IGSF3: variants seen among roughly 807,000 people sequenced by gnomAD.
IGSF3 encodes immunoglobulin superfamily member 3.
In IGSF3, 23 loss-of-function variants were observed where a neutral mutation model predicts 114.4. The observed-to-expected ratio is 0.20, with a 90% CI of 0.14 to 0.28. The LOEUF is 0.28. Among genes scored for constraint, IGSF3 ranks in the 10% least tolerant of loss-of-function variants. The pLI, the probability that IGSF3 is intolerant of heterozygous loss-of-function variation, is 1.00. For synonymous variants in IGSF3, 571 were observed against 645.2 expected, an observed-to-expected ratio of 0.88 and a Z score of 1.74; for missense variants, 1,172 against 1,591.5, an observed-to-expected ratio of 0.74 and a Z score of 4.48.
rs141660287 is a variant in IGSF3, at chr1:116,602,478, G to A, written c.1624+1146C>T. ...ACAGGAACTGAGCTGATCAGGAAAC[G>A]CAATCACTGGAGGAAGTTTCTAAGA... On this transcript the variant is annotated intron_variant, in intron 6 of 10. Transcript: ENST00000369486. 1.2e-3 allele frequency among the ~76,000 whole-genome samples: 185 copies of A among 152,202 alleles called. 3 individuals are homozygous for A. In the East Asian group the frequency reaches 0.016, roughly 13 times the overall value.
chr1:116,641,176 T>G (rs967927863), intron 2 of IGSF3, among the ~76,000 whole-genome samples: 1 of 152,006 alleles, frequency 6.6e-6, no homozygotes, highest in Non-Finnish European at 1.5e-5. Flanking sequence ...TCCACTTCGG[T>G]ACATATTTGA....
In IGSF3 at chr1:116,585,659, C is replaced by T. The variant is rs531637625; in HGVS notation, c.2441-607G>A. Among the ~76,000 whole-genome samples, 4 of 152,296 alleles carry T rather than the reference C, an allele frequency of 2.6e-5. No individual in the cohort carries two copies. Among genetic ancestry groups the T allele is most frequent in the South Asian group, 2.1e-4 (1 of 4,830 alleles). On this transcript the variant is annotated intron_variant, in intron 8 of 10. Coordinates refer to ENST00000369486, the MANE Select transcript of IGSF3 (RefSeq NM_001007237.3). This position sits in a 1 kb window ranked among gnomAD's most constrained non-coding sequence, Gnocchi z 4.9. Reference sequence around the variant, plus strand: ...AAAGACTGCCAGACAAGGTGGCTCACGCCTGTAATCCCAGCACTTTGGGAC... The same window carrying T: ...AAAGACTGCCAGACAAGGTGGCTCATGCCTGTAATCCCAGCACTTTGGGAC...
intron 2 of IGSF3, among the ~76,000 whole-genome samples, chr1:116,639,618 C>T (rs1427364835): frequency 6.6e-5 from 10 of 152,210 alleles, no homozygotes; most frequent in Non-Finnish European, 2.9e-5. Context: ...ATTGCTTCTT[C>T]CCTAAGCTTG....
Position 116,644,191 on chromosome 1 carries a change from C to G in IGSF3, c.43+22093G>C, listed in dbSNP as rs1648236119. ...TACACATTCCTCAAAATCCTCCTCT[C>G]CATTTCACAGAAACACCACAGCAGA... On this transcript the variant is annotated intron_variant, in intron 2 of 10. Coordinates refer to ENST00000369486, the MANE Select transcript of IGSF3 (RefSeq NM_001007237.3). This position sits in a 1 kb window ranked among gnomAD's most constrained non-coding sequence, Gnocchi z 5.6. Among the ~76,000 whole-genome samples the G allele has an allele frequency of 6.6e-6, 1 of 152,262 alleles. No homozygotes were observed. Among genetic ancestry groups the G allele is most frequent in the African/African-American group, 2.4e-5 (1 of 41,466 alleles).
At position 116,636,203 on chromosome 1, in the gene IGSF3, C is replaced by T. The variant is rs1186541835; in HGVS notation, c.44-19746G>A. On this transcript the variant is annotated intron_variant, in intron 2 of 10. Coordinates refer to ENST00000369486, the MANE Select transcript of IGSF3 (RefSeq NM_001007237.3). This position sits in a 1 kb window ranked among gnomAD's most constrained non-coding sequence, Gnocchi z 4.5. ...CCTTCCCAAGAAGAATTCCCCATAC[C>T]GAGTCTACCATTCCTTCCCTGATCA... is the stretch of plus-strand genomic sequence containing the variant. Among the ~76,000 whole-genome samples the T allele has an allele frequency of 2.6e-5, 4 of 152,186 alleles. No individual in the cohort carries two copies. The East Asian group carries it at 5.8e-4, about 22-fold the overall frequency.
Position 116,644,387 on chromosome 1 carries a change from A to G in IGSF3, c.43+21897T>C, listed in dbSNP as rs990486140. 3.9e-5 allele frequency among the ~76,000 whole-genome samples: 6 copies of G among 152,222 alleles called. No homozygotes were observed. The East Asian group carries it at 7.7e-4, about 20-fold the overall frequency. On this transcript the variant is annotated intron_variant, in intron 2 of 10. Coordinates refer to ENST00000369486, the MANE Select transcript of IGSF3 (RefSeq NM_001007237.3). This position sits in a 1 kb window ranked among gnomAD's most constrained non-coding sequence, Gnocchi z 5.6. ...CGCCATATAACAGCAGCAGTTCCAC[A>G]CAGCCCTGCACAGCAGGAATTCAGC...
chr1:116,618,899 A>G lies in IGSF3; in HGVS notation c.44-2442T>C, dbSNP rs1351458382. Among the ~76,000 whole-genome samples, 3 of 152,198 alleles carry G rather than the reference A, an allele frequency of 2.0e-5. No individual in the cohort carries two copies. The highest frequency in any genetic ancestry group is 2.0e-4 in the Admixed American group (3 of 15,280). ...GGCTAGAGGCAAGTCAGGGTACACC[A>G]GCATCTTTAAGGACTGCTTCTCAAT... On this transcript the variant is annotated intron_variant, in intron 2 of 10. Coordinates refer to ENST00000369486, the MANE Select transcript of IGSF3 (RefSeq NM_001007237.3). This position sits in a 1 kb window ranked among gnomAD's most constrained non-coding sequence, Gnocchi z 4.7.
chr1:116,649,804 C>T lies in IGSF3; in HGVS notation c.43+16480G>A, dbSNP rs554651226. Among the ~76,000 whole-genome samples, 29 of 152,284 alleles carry T rather than the reference C, an allele frequency of 1.9e-4. No homozygotes were observed. The highest frequency in any genetic ancestry group is 3.4e-4 in the Non-Finnish European group (23 of 68,026). On this transcript the variant is annotated intron_variant, in intron 2 of 10. Coordinates refer to ENST00000369486, the MANE Select transcript of IGSF3 (RefSeq NM_001007237.3). The surrounding 1 kb of genome is among the most constrained non-coding windows in gnomAD (Gnocchi z 4.5). ...AATACTTTTCCGGCTGCATAAGTCA[C>T]GTGTCACCATATAAACTCACAATTT... is the stretch of plus-strand genomic sequence containing the variant.
At position 116,612,420 on chromosome 1, in the gene IGSF3, T is replaced by C. The variant is rs771338750; in HGVS notation, c.832+1345A>G. On this transcript the variant is annotated intron_variant, in intron 4 of 10. Coordinates refer to ENST00000369486, the MANE Select transcript of IGSF3 (RefSeq NM_001007237.3). This position sits in a 1 kb window ranked among gnomAD's most constrained non-coding sequence, Gnocchi z 4.1. The stretch of plus-strand genomic sequence containing the variant: ...CTAGAAGCTTTGCTTGAAAAAAATG[T>C]AGATAGCAGAAGAATCACCTGGGAA... Among the ~76,000 whole-genome samples, 59 of 151,936 alleles carry C rather than the reference T, an allele frequency of 3.9e-4. No homozygotes were observed. The highest frequency in any genetic ancestry group is 7.1e-4 in the Non-Finnish European group (48 of 67,992).
Position 116,588,863 on chromosome 1 carries a change from C to T in IGSF3, c.2271G>A (p.Glu757=), listed in dbSNP as rs1427385476. 6.2e-7 allele frequency: 1 copy of T among 1,614,122 alleles called. No homozygotes were observed. Among genetic ancestry groups the T allele is most frequent in the Non-Finnish European group, 8.5e-7 (1 of 1,180,044 alleles). The change falls in exon 8 of 11, where the codon GAG becomes GAA. Residue 757 remains glutamate (E), a synonymous_variant. Coordinates refer to ENST00000369486, the MANE Select transcript of IGSF3 (RefSeq NM_001007237.3). The surrounding 1 kb of genome is among the most constrained non-coding windows in gnomAD (Gnocchi z 4.9). ...TGAACAGGCCCCCCGACACATGCCT[C>T]TCAAACTGGAGCCTGGCTCTCAGGC... The part of the protein sequence containing the change: ...EEGLRARLQF[E]RHVSGGLFSL...
chr1:116,579,432 C>T lies in IGSF3; in HGVS notation c.3294G>A (p.Glu1098=), dbSNP rs777036588. 32 of 1,601,790 alleles carry T rather than the reference C, an allele frequency of 2.0e-5. 1 individual carries two copies. The South Asian group carries it at 3.0e-4, about 15-fold the overall frequency. ...SPQKEWYRLT[E]EESAPIGIRV... Reference sequence around the variant, plus strand: ...GGATGCCGATGGGGGCTGACTCCTCCTCCGTCAGCCGGTACCATTCCTTCT... The same window carrying T: ...GGATGCCGATGGGGGCTGACTCCTCTTCCGTCAGCCGGTACCATTCCTTCT... Residue 1098 remains glutamate, a synonymous_variant, in exon 10 of 11, where the codon GAG becomes GAA. Transcript: ENST00000369486. The surrounding 1 kb of genome is among the most constrained non-coding windows in gnomAD (Gnocchi z 6.4).
intron 2 of IGSF3, among the ~76,000 whole-genome samples, chr1:116,626,967 G>A (rs1268431199): frequency 6.6e-6 from 1 of 152,192 alleles, no homozygotes; most frequent in Non-Finnish European, 1.5e-5. Flanking sequence ...TAATAGAAAT[G>A]CTTATAAGTA....
chr1:116,578,189 T>C (rs1469881138), intron 10 of IGSF3, among the ~76,000 whole-genome samples: 2 of 152,326 alleles, frequency 1.3e-5, no homozygotes, highest in East Asian at 1.9e-4. Flanking sequence ...TATAAGTCAT[T>C]AGACCTTGGC....
Position 116,627,273 on chromosome 1 carries a change from C to T in IGSF3, c.44-10816G>A, listed in dbSNP as rs527484728. The stretch of plus-strand genomic sequence containing the variant: ...GTAAGTGCCTCATTCCTTCTCACAG[C>T]ATACATTTCACAGCAATTACTGTTG... On this transcript the variant is annotated intron_variant, in intron 2 of 10. Coordinates refer to ENST00000369486, the MANE Select transcript of IGSF3 (RefSeq NM_001007237.3). The surrounding 1 kb of genome is among the most constrained non-coding windows in gnomAD (Gnocchi z 4.7). 6.6e-6 allele frequency among the ~76,000 whole-genome samples: 1 copy of T among 152,318 alleles called. No individual in the cohort carries two copies. The highest frequency in any genetic ancestry group is 1.9e-4 in the East Asian group (1 of 5,186).
chr1:116,584,801 G>T lies in IGSF3; in HGVS notation c.2692C>A (p.Pro898Thr). Residue 898 changes from proline (P) to threonine (T), a missense_variant, in exon 9 of 11, where the codon CCC becomes ACC. By Grantham distance (38) the Pro-to-Thr change is conservative (BLOSUM62 -1). Around this residue, in one of 3 missense-constraint regions of IGSF3, gnomAD observed 423 missense variants for 509.8 expected, o/e 0.83. Coordinates refer to ENST00000369486, the MANE Select transcript of IGSF3 (RefSeq NM_001007237.3). The surrounding 1 kb of genome is among the most constrained non-coding windows in gnomAD (Gnocchi z 5.8). ...TGGATGAAGAGACGGTACACGCCGGGGGAAGGACTCTCCAAATGCAGCCGC... is the reference window on the plus strand; with the variant it reads ...TGGATGAAGAGACGGTACACGCCGGTGGAAGGACTCTCCAAATGCAGCCGC... ...KGRLHLESPS[P>T]GVYRLFIQNV... 1 of 1,614,256 alleles carries T rather than the reference G, an allele frequency of 6.2e-7. No homozygotes were observed. Among genetic ancestry groups the T allele is most frequent in the Non-Finnish European group, 8.5e-7 (1 of 1,180,048 alleles).
rs568254047 is a variant in IGSF3 at position 116,652,672 on chromosome 1, T to C, written c.43+13612A>G. Among the ~76,000 whole-genome samples the C allele has an allele frequency of 5.8e-4, 89 of 152,336 alleles. 1 individual carries two copies. In the South Asian group the frequency reaches 0.018, roughly 30 times the overall value. On this transcript the variant is annotated intron_variant, in intron 2 of 10. Transcript: ENST00000369486. ...CAGATGACACACATATGAAGTCACA[T>C]TCAAATTATAAGCAGAGCACAAAAA...
intron 7 of IGSF3, among the ~76,000 whole-genome samples, chr1:116,591,731 G>T (rs1660120178): frequency 6.6e-6 from 1 of 152,154 alleles, no homozygotes; most frequent in Admixed American, 6.5e-5. Flanking sequence ...GGGGAGACTG[G>T]AATCTCCACA....
chr1:116,604,176 A>G, intron 5 of IGSF3, 151 bp from the exon 6 acceptor site: 1 of 711,354 alleles, frequency 1.4e-6, no homozygotes, highest in Non-Finnish European at 2.3e-6. Flanking sequence ...TAGTTGCTGC[A>G]AGCCCTGGCT....
In IGSF3 at chr1:116,612,143, CTAATT is replaced by C. The variant is rs1473618719; in HGVS notation, c.832+1617_832+1621del. On this transcript the variant is annotated intron_variant, in intron 4 of 10. Coordinates refer to ENST00000369486, the MANE Select transcript of IGSF3 (RefSeq NM_001007237.3). This position sits in a 1 kb window ranked among gnomAD's most constrained non-coding sequence, Gnocchi z 4.1. The stretch of plus-strand genomic sequence containing the variant: ...AATAAAGAAGATTAACTGATGCAAC[CTAATT>C]TAAAAGCATTAAGACTCAAAATTTG... Among the ~76,000 whole-genome samples the C allele has an allele frequency of 1.3e-5, 2 of 150,890 alleles. No individual in the cohort carries two copies. The highest frequency in any genetic ancestry group is 5.0e-5 in the African/African-American group (2 of 40,244).
Sources: gnomAD v4.1 joint callset for allele counts (sites outside exome capture counted in the v4.1 genomes callset) on GRCh38, gnomAD v4.1.1 for gene constraint, gnomAD v4.1.1 regional missense constraint, Gnocchi (gnomAD v3.1) non-coding constraint, MANE v1.5 for transcripts, NCBI Gene and HGNC (gene_info 2026-07-23, HGNC 2026-07-21) for gene names.